Variants in HM13 observed in about 807,000 individuals in gnomAD.
HM13 encodes signal peptide peptidase.
A neutral mutation model predicts 50.0 loss-of-function variants in HM13; 18 were observed. That is an observed-to-expected ratio of 0.36 (90% confidence interval 0.25 to 0.53). HM13 has a LOEUF of 0.53. Among genes scored for constraint, HM13 ranks in the 20% least tolerant of loss-of-function variants. HM13 has a pLI of 0.90. For missense variants in HM13, 393 were observed against 552.4 expected, an observed-to-expected ratio of 0.71 and a Z score of 2.89; for synonymous variants, 197 against 232.6, an observed-to-expected ratio of 0.85 and a Z score of 1.39.
chr20:31,518,769 G>A (rs1335295003), intron 1 of HM13, among the ~76,000 whole-genome samples: 1 of 152,028 alleles, frequency 6.6e-6, no homozygotes, highest in Non-Finnish European at 1.5e-5. Context: ...GAGGCGAGAG[G>A]ATAACTTGAG....
At chr20:31,538,635 C>G (rs902143844) in intron 3 of HM13, 1 of 1,181,004 alleles carries the variant, frequency 8.5e-7, no homozygotes, top group African/African-American at 1.6e-5. Flanking sequence ...CACACATGAT[C>G]GTGTTTCGTA....
chr20:31,522,010 T>C (rs1982194087), intron 1 of HM13, among the ~76,000 whole-genome samples: 1 of 151,898 alleles, frequency 6.6e-6, no homozygotes, highest in Middle Eastern at 3.2e-3. Flanking sequence ...CAGCATGGGA[T>C]ATTTATAAGT....
chr20:31,523,054 CTT>C (rs1180366650), intron 1 of HM13, among the ~76,000 whole-genome samples: 6 of 106,924 alleles, frequency 5.6e-5, no homozygotes, highest in Admixed American at 8.7e-5. Context: ...GGGAGGGGGG[CTT>C]TTTTTTTTTT....
At chr20:31,564,208 G>A (rs1441227983) in intron 10 of HM13, 1 of 152,120 alleles carries the variant, frequency 6.6e-6, no homozygotes, top group Non-Finnish European at 1.5e-5. Context: ...CAGTATGCAG[G>A]GCACACTACG....
At chr20:31,550,027 C>A in intron 6 of HM13, 37 bp from the exon 7 acceptor site, 2 of 1,520,474 alleles carry the variant, frequency 1.3e-6, no homozygotes, top group Non-Finnish European at 1.8e-6. Context: ...CACAGCCCCT[C>A]ACTTCCCTTC....
chr20:31,559,643 A>T lies in HM13; in HGVS notation c.841A>T (p.Ile281Phe), dbSNP rs754913862. The T allele has an allele frequency of 6.2e-7, 1 of 1,614,068 alleles. No individual in the cohort carries two copies. The highest frequency in any genetic ancestry group is 1.7e-5 in the Admixed American group (1 of 60,004). ...IFIALLLRFDISLKKNTHTYF... is the reference protein window; with the variant it reads ...IFIALLLRFDFSLKKNTHTYF... ...CATTGCCTTGCTGCTGCGCTTTGAC[A>T]TCAGGTGAGTGAGTGAGGGCCTGCC... The change falls in exon 9 of 13, where the codon ATC (isoleucine) becomes TTC (phenylalanine). Residue 281 changes from isoleucine to phenylalanine, a missense_variant. Around this residue, in one of 3 missense-constraint regions of HM13, gnomAD observed 74 missense variants for 160.4 expected, o/e 0.46. Coordinates refer to ENST00000398174, the MANE Select transcript of HM13 (RefSeq NM_178581.3).
chr20:31,527,253 G>T (rs919817992), intron 1 of HM13, among the ~76,000 whole-genome samples: 1 of 151,956 alleles, frequency 6.6e-6, no homozygotes, highest in African/African-American at 2.4e-5. Context: ...CAGGAGAATC[G>T]CCTGAACCCA....
chr20:31,527,205 G>A (rs1332987417), intron 1 of HM13, among the ~76,000 whole-genome samples: 3 of 152,172 alleles, frequency 2.0e-5, no homozygotes, highest in African/African-American at 7.2e-5. Context: ...GTGCATGGTT[G>A]TGCATGCCTA....
chr20:31,566,189 C>T lies in HM13; in HGVS notation c.949-21C>T, dbSNP rs758299303. 11 of 1,606,920 alleles carry T rather than the reference C, an allele frequency of 6.8e-6. No homozygotes were observed. The Admixed American group carries it at 1.7e-4, about 24-fold the overall frequency. ...CAGTGCCGTGCCCAGCATGGCTTCA[C>T]CAGCCTGTGTCCTCTCATAGCCTGC... On this transcript the variant is annotated intron_variant, in intron 10 of 12. Transcript: ENST00000398174.
intron 10 of HM13, among the ~76,000 whole-genome samples, chr20:31,564,645 G>C (rs1382793548): frequency 6.6e-6 from 1 of 151,996 alleles, no homozygotes; most frequent in Non-Finnish European, 1.5e-5. Flanking sequence ...CGTAGCAAGG[G>C]ACCTGACTCC....
Position 31,550,046 on chromosome 20 carries a change from C to CT in HM13, c.667-11dup. On this transcript the variant is annotated splice_polypyrimidine_tract_variant and intron_variant, in intron 6 of 12. Transcript: ENST00000398174. ...GCCCCTCACTTCCCTTCATACTGCTCTTTTTTTCTCCTTCTAGGTATTTGG... is the reference window on the plus strand; with the variant it reads ...GCCCCTCACTTCCCTTCATACTGCTCTTTTTTTTCTCCTTCTAGGTATTTGG... 1.2e-6 allele frequency: 2 copies of CT among 1,607,800 alleles called. No individual in the cohort carries two copies. The highest frequency in any genetic ancestry group is 1.1e-5 in the South Asian group (1 of 90,932).
Position 31,550,027 on chromosome 20 carries a change from C to T in HM13, c.667-37C>T, listed in dbSNP as rs776271410. ...AGCCATTCTTCCCCCCACAGCCCCT[C>T]ACTTCCCTTCATACTGCTCTTTTTT... On this transcript the variant is annotated intron_variant, in intron 6 of 12. Coordinates refer to ENST00000398174, the MANE Select transcript of HM13 (RefSeq NM_178581.3). The T allele has an allele frequency of 1.4e-5, 21 of 1,520,476 alleles. No homozygotes were observed. In the East Asian group the frequency reaches 4.7e-4, roughly 34 times the overall value. 94.2% of individuals were successfully genotyped at this position (1,520,476 alleles called of 1,614,324 possible). A position where few individuals can be genotyped will look rare whatever the true frequency, so the allele number is the denominator to read the frequency against.
chr20:31,561,215 G>GT (rs992028038), intron 9 of HM13, among the ~76,000 whole-genome samples: 4 of 152,280 alleles, frequency 2.6e-5, no homozygotes, highest in South Asian at 2.1e-4. Flanking sequence ...CACCTCAGAT[G>GT]TTTTTTTCAA....
intron 3 of HM13, among the ~76,000 whole-genome samples, chr20:31,544,398 T>G (rs933345048): frequency 6.6e-6 from 1 of 152,248 alleles, no homozygotes; most frequent in Non-Finnish European, 1.5e-5. Flanking sequence ...GGAGTGAATG[T>G]GATGGTGATC....
intron 1 of HM13, among the ~76,000 whole-genome samples, chr20:31,524,781 T>C (rs1982390000): frequency 6.7e-6 from 1 of 149,058 alleles, no homozygotes; most frequent in African/African-American, 2.5e-5. Flanking sequence ...TGGCACAATC[T>C]TGGCTCACTG....
intron 3 of HM13, chr20:31,541,096 A>C (rs963808895): frequency 1.3e-5 from 2 of 152,220 alleles, no homozygotes; most frequent in African/African-American, 4.8e-5. Context: ...ACATGGTAAA[A>C]TGTATGAGTG....
chr20:31,537,455 C>T (rs1225176903), intron 2 of HM13, among the ~76,000 whole-genome samples: 3 of 152,260 alleles, frequency 2.0e-5, no homozygotes, highest in Admixed American at 6.5e-5. Context: ...CTATACCCCA[C>T]ACAACAGCAC....
In HM13 at chr20:31,546,531, A is replaced by G. The variant is rs113137612; in HGVS notation, c.454+1496A>G. ...TTTGGGAGGCTGAGGCAGGCGGATG[A>G]CTTGAGATCAGGAGTTCCAGACCAG... On this transcript the variant is annotated intron_variant, in intron 4 of 12. Coordinates refer to ENST00000398174, the MANE Select transcript of HM13 (RefSeq NM_178581.3). Among the ~76,000 whole-genome samples the G allele has an allele frequency of 9.3e-3, 1,413 of 151,684 alleles. 18 individuals are homozygous for G. Among genetic ancestry groups the G allele is most frequent in the African/African-American group, 0.032 (1,342 of 41,356 alleles).
chr20:31,530,616 G>A (rs998030173), intron 2 of HM13, among the ~76,000 whole-genome samples: 1 of 152,018 alleles, frequency 6.6e-6, no homozygotes, highest in African/African-American at 2.4e-5. Flanking sequence ...TCACCATGTT[G>A]GCCAGGATGG....
Sources: gnomAD v4.1 joint callset for allele counts (sites outside exome capture counted in the v4.1 genomes callset) on GRCh38, gnomAD v4.1.1 for gene constraint, gnomAD v4.1.1 regional missense constraint, MANE v1.5 for transcripts, NCBI Gene and HGNC (gene_info 2026-07-23, HGNC 2026-07-21) for gene names.